The following TNS3 variants were observed in gnomAD, a reference collection of about 807,000 sequenced individuals.
The protein encoded by TNS3 is tensin 3.
In TNS3, 45 loss-of-function variants were observed where a neutral mutation model predicts 140.9. The ratio of observed to expected loss-of-function variants is 0.32; its 90% CI spans 0.25 to 0.41. TNS3 has a LOEUF of 0.41. TNS3 is among the 10% of genes least tolerant of loss of function. The probability of loss-of-function intolerance (pLI) is 1.00; values close to 1 mark genes in which losing one functional copy is unlikely to be tolerated. For synonymous variants in TNS3, 815 were observed against 788.4 expected (o/e 1.03, Z -0.56); for missense variants, 1,716 against 1,906.7 (o/e 0.90, Z 1.86).
chr7:47,430,274 A>G, intron 8 of TNS3, among the ~76,000 whole-genome samples: 1 of 151,852 alleles, frequency 6.6e-6, no homozygotes, highest in Non-Finnish European at 1.5e-5. Flanking sequence ...AATTACAGGC[A>G]TGCATCACCA....
intron 17 of TNS3, among the ~76,000 whole-genome samples, chr7:47,352,451 A>G (rs1238257211): frequency 6.6e-6 from 1 of 152,122 alleles, no homozygotes; most frequent in Non-Finnish European, 1.5e-5. Flanking sequence ...GCTGCTCACA[A>G]ACGGATGGTC....
chr7:47,554,225 C>T (rs1800136369), intron 1 of TNS3, among the ~76,000 whole-genome samples: 2 of 151,074 alleles, frequency 1.3e-5, no homozygotes, highest in African/African-American at 4.9e-5. Context: ...TCAAGACCTA[C>T]CTGCCAACAT....
intron 1 of TNS3, among the ~76,000 whole-genome samples, chr7:47,531,584 A>G (rs1490682778): frequency 1.3e-5 from 2 of 152,242 alleles, no homozygotes; most frequent in Non-Finnish European, 2.9e-5. Context: ...AAGATAATTA[A>G]CTGTTTAAAC....
intron 2 of TNS3, among the ~76,000 whole-genome samples, chr7:47,521,757 G>C (rs1353514305): frequency 2.6e-5 from 4 of 152,152 alleles, no homozygotes; most frequent in Non-Finnish European, 4.4e-5. Flanking sequence ...ACCTGGGGGA[G>C]TCAGGAGAGA....
intron 1 of TNS3, among the ~76,000 whole-genome samples, chr7:47,553,261 T>C (rs1800109210): frequency 6.6e-6 from 1 of 152,198 alleles, no homozygotes; most frequent in South Asian, 2.1e-4. Context: ...TTGATGAAGG[T>C]GGCTACACTA....
intron 4 of TNS3, among the ~76,000 whole-genome samples, chr7:47,463,973 C>A (rs1007407290): frequency 3.9e-5 from 6 of 152,182 alleles, no homozygotes; most frequent in Non-Finnish European, 8.8e-5. Flanking sequence ...CTTAATACAC[C>A]TGTTACTCTA....
intron 2 of TNS3, among the ~76,000 whole-genome samples, chr7:47,508,900 C>T (rs1220263264): frequency 6.6e-6 from 1 of 152,188 alleles, no homozygotes; most frequent in Non-Finnish European, 1.5e-5. Context: ...CCCCAGCTTC[C>T]CAGCCACAGA....
chr7:47,546,384 G>A (rs1399376050), intron 1 of TNS3, among the ~76,000 whole-genome samples: 5 of 152,072 alleles, frequency 3.3e-5, no homozygotes, highest in South Asian at 2.1e-4. Context: ...AGGACCTGCC[G>A]TCACCGCAGG....
intron 1 of TNS3, among the ~76,000 whole-genome samples, chr7:47,553,266 A>C (rs533900138): frequency 2.6e-5 from 4 of 152,378 alleles, no homozygotes; most frequent in African/African-American, 9.6e-5. Flanking sequence ...GAAGGTGGCT[A>C]CACTAAACAA....
intron 1 of TNS3, among the ~76,000 whole-genome samples, chr7:47,546,616 C>CA (rs1799928554): frequency 6.6e-6 from 1 of 151,806 alleles, no homozygotes; most frequent in Non-Finnish European, 1.5e-5. Context: ...GCATAGTACT[C>CA]ACAATCCTCT....
chr7:47,281,212 C>T lies in TNS3; in HGVS notation c.4098-858G>A, dbSNP rs563945210. ...GAAGGACTCCACATGGTCACTGATA[C>T]GACCCCCATAGAGACCTCCTTCCAG... On this transcript the variant is annotated intron_variant, in intron 28 of 30. Coordinates refer to ENST00000311160, the MANE Select transcript of TNS3 (RefSeq NM_022748.12). Among the ~76,000 whole-genome samples the T allele has an allele frequency of 4.6e-5, 7 of 152,310 alleles. No homozygotes were observed. The East Asian group carries it at 5.8e-4, about 13-fold the overall frequency.
chr7:47,457,328 C>A (rs1796303162), intron 4 of TNS3, among the ~76,000 whole-genome samples: 1 of 152,050 alleles, frequency 6.6e-6, no homozygotes, highest in South Asian at 2.1e-4. Context: ...CACTCAATTC[C>A]TCACTAAAAT....
At chr7:47,297,250 G>A (rs532230484) in intron 23 of TNS3, 37 bp from the exon 24 acceptor site, 68 of 1,587,132 alleles carry the variant, frequency 4.3e-5, no homozygotes, top group Admixed American at 2.1e-4. Flanking sequence ...AAGGTCTGCC[G>A]GGTGGACAAA....
intron 2 of TNS3, among the ~76,000 whole-genome samples, chr7:47,526,014 C>A (rs1036046679): frequency 1.3e-5 from 2 of 152,216 alleles, no homozygotes; most frequent in African/African-American, 4.8e-5. Flanking sequence ...GACAATGATC[C>A]TCCAGATAAA....
chr7:47,375,560 A>C (rs1159027574), intron 16 of TNS3, among the ~76,000 whole-genome samples: 1 of 152,172 alleles, frequency 6.6e-6, no homozygotes, highest in East Asian at 1.9e-4. Flanking sequence ...TTTCCAACCC[A>C]ACCCTGCTAC....
chr7:47,337,715 A>G (rs937803534), intron 20 of TNS3, among the ~76,000 whole-genome samples: 21 of 152,226 alleles, frequency 1.4e-4, no homozygotes, highest in African/African-American at 5.1e-4. Flanking sequence ...CCTGAGGTTC[A>G]GTAATGACCT....
intron 16 of TNS3, among the ~76,000 whole-genome samples, chr7:47,395,970 G>C (rs951355167): frequency 6.6e-6 from 1 of 152,190 alleles, no homozygotes; most frequent in South Asian, 2.1e-4. Context: ...CCTTCCTGGA[G>C]TCATGGGAAG....
At chr7:47,546,558 A>G (rs1459357876) in intron 1 of TNS3, among the ~76,000 whole-genome samples, 2 of 152,278 alleles carry the variant, frequency 1.3e-5, no homozygotes, top group Admixed American at 1.3e-4. Context: ...AAAAGGTTCG[A>G]TGTATTGCTC....
At position 47,439,521 on chromosome 7, in the gene TNS3, C is replaced by A; in HGVS notation, c.116G>T (p.Arg39Leu). 6.2e-7 allele frequency: 1 copy of A among 1,613,858 alleles called. No individual in the cohort carries two copies. The highest frequency in any genetic ancestry group is 8.5e-7 in the Non-Finnish European group (1 of 1,179,876). The stretch of plus-strand genomic sequence containing the variant: ...GTCCCCGTGCTTGGACTTGAGCATG[C>A]GCGTGACCTCCTGTAGGTTGTGCAG... Reference protein sequence around the residue: ...SYLHNLQEVTRMLKSKHGDNY... With the variant: ...SYLHNLQEVTLMLKSKHGDNY... Residue 39 changes from arginine to leucine, a missense_variant, in exon 6 of 31, where the codon CGC becomes CTC. This residue lies in a region of TNS3 where 337 missense variants were observed against 428.9 expected (regional missense o/e 0.79). Coordinates refer to ENST00000311160, the MANE Select transcript of TNS3 (RefSeq NM_022748.12).
Sources: gnomAD v4.1 joint callset for allele counts (sites outside exome capture counted in the v4.1 genomes callset) on GRCh38, gnomAD v4.1.1 for gene constraint, gnomAD v4.1.1 regional missense constraint, MANE v1.5 for transcripts, NCBI Gene and HGNC (gene_info 2026-07-23, HGNC 2026-07-21) for gene names.